The following MEGF6 variants were observed in gnomAD, a reference collection of about 807,000 sequenced individuals.
MEGF6 encodes the protein multiple epidermal growth factor-like domains protein 6.
Under a neutral mutation model 207.1 loss-of-function variants are expected in MEGF6, and 184 were observed. The observed-to-expected ratio is 0.89, with a 90% CI of 0.79 to 1.00. The LOEUF (loss-of-function observed/expected upper bound fraction) is 1.00, where lower values mean the gene tolerates loss of function less well. Ranked by LOEUF, MEGF6 falls within the 50% of genes least tolerant of loss-of-function variation. The pLI, the probability that MEGF6 is intolerant of heterozygous loss-of-function variation, is 0.00. For synonymous variants in MEGF6, 1,038 were observed against 910.0 expected (o/e 1.14, Z -2.53); for missense variants, 2,282 against 2,202.9 (o/e 1.04, Z -0.72).
At chr1:3,520,406 C>G (rs998278841) in intron 5 of MEGF6, among the ~76,000 whole-genome samples, 1 of 152,202 alleles carries the variant, frequency 6.6e-6, no homozygotes, top group Non-Finnish European at 1.5e-5. Flanking sequence ...AAGAATGATG[C>G]CCCCAGACAC....
chr1:3,530,570 G>A (rs1218440837), intron 4 of MEGF6, among the ~76,000 whole-genome samples: 1 of 152,200 alleles, frequency 6.6e-6, no homozygotes, highest in Admixed American at 6.5e-5. Context: ...CGGAACGAGA[G>A]CAGGGCTGTA....
At chr1:3,501,990 G>C in intron 17 of MEGF6, 69 bp from the exon 18 acceptor site, 2 of 971,246 alleles carry the variant, frequency 2.1e-6, no homozygotes, top group Non-Finnish European at 1.2e-6. Flanking sequence ...CTTTCCCCCA[G>C]GGGCTCCTGG....
intron 1 of MEGF6, among the ~76,000 whole-genome samples, chr1:3,608,539 G>C (rs1455947258): frequency 6.6e-6 from 1 of 152,234 alleles, no homozygotes; most frequent in Non-Finnish European, 1.5e-5. Flanking sequence ...GCCCTGGAGG[G>C]AAGGCATCAT....
At chr1:3,529,569 T>G (rs567394316) in intron 4 of MEGF6, among the ~76,000 whole-genome samples, 3 of 152,208 alleles carry the variant, frequency 2.0e-5, no homozygotes, top group Admixed American at 6.5e-5. Context: ...CTATGGACTT[T>G]GGCAGCCTCA....
At position 3,511,533 on chromosome 1, in the gene MEGF6, G is replaced by C; in HGVS notation, c.1114+17C>G. 1 of 1,593,582 alleles carries C rather than the reference G, an allele frequency of 6.3e-7. No individual in the cohort carries two copies. Among genetic ancestry groups the C allele is most frequent in the Non-Finnish European group, 8.6e-7 (1 of 1,165,914 alleles). ...CCTGGAGTGGGGTGCAGGCATCTGG[G>C]AGGAGCCAGTGCGCACCGATGCAGG... On this transcript the variant is annotated intron_variant, in intron 9 of 36. Transcript: ENST00000356575.
At chr1:3,601,971 G>A (rs548262184) in intron 2 of MEGF6, among the ~76,000 whole-genome samples, 240 of 152,364 alleles carry the variant, frequency 1.6e-3, no homozygotes, top group Admixed American at 3.8e-3. Flanking sequence ...GCCAGCTCCC[G>A]GCACAACCCG....
At chr1:3,577,547 CAG>C (rs930273842) in intron 4 of MEGF6, among the ~76,000 whole-genome samples, 100 of 152,344 alleles carry the variant, frequency 6.6e-4, no homozygotes, top group African/African-American at 2.1e-3. Context: ...GTGACGCAGG[CAG>C]AGAGTGGCCC....
chr1:3,524,287 G>A (rs966990350), intron 4 of MEGF6, 41 bp from the exon 5 acceptor site: 2 of 1,590,100 alleles, frequency 1.3e-6, no homozygotes, highest in Non-Finnish European at 8.6e-7. Flanking sequence ...GGGCACCTGT[G>A]CCCTCCTGCT....
intron 4 of MEGF6, among the ~76,000 whole-genome samples, chr1:3,527,207 T>C (rs1339439068): frequency 6.6e-6 from 1 of 152,200 alleles, no homozygotes; most frequent in Admixed American, 6.5e-5. Flanking sequence ...GTCAGAGCAC[T>C]GTTGACAGGT....
At chr1:3,491,088 C>T (rs764767456) in intron 35 of MEGF6, 129 bp from the exon 36 acceptor site, 15 of 727,116 alleles carry the variant, frequency 2.1e-5, no homozygotes, top group Non-Finnish European at 1.4e-5. Context: ...TCCTTCCCTT[C>T]TCAGTCCTTT....
intron 35 of MEGF6, among the ~76,000 whole-genome samples, chr1:3,491,779 G>C (rs1175074520): frequency 1.3e-5 from 2 of 151,202 alleles, no homozygotes; most frequent in African/African-American, 2.4e-5. Flanking sequence ...CGGGGGTGGG[G>C]GGGGGGGTGC....
chr1:3,563,025 C>T (rs1643247281), intron 4 of MEGF6, among the ~76,000 whole-genome samples: 1 of 152,118 alleles, frequency 6.6e-6, no homozygotes, highest in South Asian at 2.1e-4. Context: ...TCCTGGACTT[C>T]TGTCATCCCC....
chr1:3,520,921 C>T (rs561667402), intron 5 of MEGF6, among the ~76,000 whole-genome samples: 1 of 152,278 alleles, frequency 6.6e-6, no homozygotes, highest in East Asian at 1.9e-4. Flanking sequence ...TTGCTCCGGG[C>T]CCTGGAGGTG....
At chr1:3,592,531 C>T (rs1460937823) in intron 3 of MEGF6, among the ~76,000 whole-genome samples, 4 of 152,298 alleles carry the variant, frequency 2.6e-5, no homozygotes, top group South Asian at 2.1e-4. Flanking sequence ...GGCAAGCACC[C>T]GCTGCCAGGG....
chr1:3,501,049 G>T lies in MEGF6; in HGVS notation c.2492C>A (p.Ser831Tyr), dbSNP rs770169206. 5 of 1,612,804 alleles carry T rather than the reference G, an allele frequency of 3.1e-6. No homozygotes were observed. The highest frequency in any genetic ancestry group is 1.1e-5 in the South Asian group (1 of 91,080). The change falls in exon 20 of 37, where the codon TCT (serine) becomes TAT (tyrosine). Residue 831 changes from serine (S) to tyrosine (Y), a missense_variant. Ser to Tyr is a moderately radical substitution (Grantham distance 144). Transcript: ENST00000356575. ...GTGGCAGTGCCCATCATTGGCACAA[G>T]AGCACCTTGTCTGGCAGCTGGGACC... is the stretch of plus-strand genomic sequence containing the variant. Reference protein sequence around the residue: ...WYGPSCQTRCSCANDGHCHPA... With the variant: ...WYGPSCQTRCYCANDGHCHPA...
the MEGF6 span, among the ~76,000 whole-genome samples, chr1:3,620,919 G>A: frequency 1.3e-5 from 2 of 152,214 alleles, no homozygotes; most frequent in Non-Finnish European, 2.9e-5. Flanking sequence ...CTGGACAGGG[G>A]GCCCTTCCCC....
chr1:3,597,602 TAAG>T (rs1644089176), intron 2 of MEGF6, among the ~76,000 whole-genome samples: 2 of 152,268 alleles, frequency 1.3e-5, no homozygotes, highest in Middle Eastern at 3.4e-3. Context: ...GGCGCCCTTA[TAAG>T]AAGAGGGAAA....
At chr1:3,582,874 G>A (rs1643832061) in intron 3 of MEGF6, among the ~76,000 whole-genome samples, 1 of 152,182 alleles carries the variant, frequency 6.6e-6, no homozygotes, top group Non-Finnish European at 1.5e-5. Flanking sequence ...ACTGTGATTA[G>A]GCACTCAGTT....
rs1557808602 is a variant in MEGF6, at chr1:3,598,728, C to CGG, written c.267-3282_267-3281insCC. 3.3e-4 allele frequency among the ~76,000 whole-genome samples: 46 copies of CGG among 139,138 alleles called. 1 individual carries two copies. Among genetic ancestry groups the CGG allele is most frequent in the South Asian group, 9.2e-4 (4 of 4,330 alleles). 91.3% of individuals were successfully genotyped at this position (139,138 alleles called of 152,430 possible). A position where few individuals can be genotyped will look rare whatever the true frequency, so the allele number is the denominator to read the frequency against. ...TCATGGTAACGAGCCCCCCCCCCCC[C>CGG]CCCGGGGCCCACTCCTCTGCCTTCT... On this transcript the variant is annotated intron_variant, in intron 2 of 36. Coordinates refer to ENST00000356575, the MANE Select transcript of MEGF6 (RefSeq NM_001409.4).
Sources: gnomAD v4.1 joint callset for allele counts (sites outside exome capture counted in the v4.1 genomes callset) on GRCh38, gnomAD v4.1.1 for gene constraint, MANE v1.5 for transcripts, NCBI Gene and HGNC (gene_info 2026-07-23, HGNC 2026-07-21) for gene names.